DCAF12L2: variants seen among roughly 807,000 people sequenced by gnomAD.
DCAF12L2 encodes the protein DDB1 and CUL4 associated factor 12 like 2.
DCAF12L2 carries 16 observed loss-of-function variants against 20.2 expected under a neutral mutation model. The observed-to-expected ratio is 0.79, with a 90% CI of 0.54 to 1.20. DCAF12L2 has a LOEUF of 1.20. Among genes scored for constraint, DCAF12L2 ranks in the 50% most tolerant of loss-of-function variants. The pLI is 0.00. For synonymous variants in DCAF12L2, 195 were observed against 190.0 expected, an observed-to-expected ratio of 1.03 and a Z score of -0.22; for missense variants, 355 against 404.8, an observed-to-expected ratio of 0.88 and a Z score of 1.06.
In DCAF12L2 at chrX:126,165,952, G is replaced by A. The variant is rs1170667939; in HGVS notation, c.-28C>T. 184 of 721,780 alleles carry A rather than the reference G, an allele frequency of 2.5e-4. No individual in the cohort carries two copies. The highest frequency in any genetic ancestry group is 1.4e-3 in the Middle Eastern group (2 of 1,479). The allele number at this position is 721,780 out of a possible 1,213,427, so 59.5% of individuals were successfully genotyped here. On this transcript the variant is annotated 5_prime_UTR_variant, in exon 1 of 1. Transcript: ENST00000360028. ...TGGGCGGCGGGCGATCTGCAGCAGC[G>A]GCGGCGGCGGCGGCGGCGGCGGCGG...
At position 126,165,783 on chromosome X, in the gene DCAF12L2, G is replaced by A. The variant is rs750239525; in HGVS notation, c.142C>T (p.Arg48Cys). Residue 48 changes from arginine to cysteine, a missense_variant, in exon 1 of 1, where the codon CGT becomes TGT. Physicochemically the swap from Arg to Cys is radical, Grantham distance 180 (BLOSUM62 -3). Transcript: ENST00000360028. ...TTCAGATAGTGCACCAGCCTGCGAC[G>A]CGTCGCCGGCCGCTTCTGCTTCTTG... ...LPKKQKRPAT[R>C]RRLVHYLKGR... 6.6e-6 allele frequency: 8 copies of A among 1,207,121 alleles called. No individual in the cohort carries two copies. Among genetic ancestry groups the A allele is most frequent in the Admixed American group, 6.5e-5 (3 of 45,860 alleles).
In DCAF12L2 at chrX:126,165,130, T is replaced by C. The variant is rs374889347; in HGVS notation, c.795A>G (p.Val265=). 23 of 1,210,918 alleles carry C rather than the reference T, an allele frequency of 1.9e-5. No homozygotes were observed. Among genetic ancestry groups the C allele is most frequent in the Admixed American group, 2.2e-5 (1 of 46,025 alleles). ...RASTNPSNRK[V]RALAFSGKNQ... ...TCTTGCCGCTGAAGGCCAGGGCCCG[T>C]ACCTTGCGGTTGCTGGGGTTGGTGC... is the stretch of plus-strand genomic sequence containing the variant. Residue 265 remains valine, a synonymous_variant, in exon 1 of 1, where the codon GTA becomes GTG. Coordinates refer to ENST00000360028, the MANE Select transcript of DCAF12L2 (RefSeq NM_001013628.3).
rs1353571110 is a variant in DCAF12L2 at position 126,164,561 on chromosome X, T to C, written c.1364A>G (p.His455Arg). The C allele has an allele frequency of 8.3e-7, 1 of 1,211,430 alleles. No homozygotes were observed. The highest frequency in any genetic ancestry group is 1.1e-6 in the Non-Finnish European group (1 of 895,225). ...VAGGPLPSGLHGNYAGLWS is the reference protein window; with the variant it reads ...VAGGPLPSGLRGNYAGLWS ...ACTCCAGAGGCCTGCGTAGTTCCCA[T>C]GGAGGCCTGAAGGGAGAGGCCCCCC... The change falls in exon 1 of 1, where the codon CAT becomes CGT. Residue 455 changes from histidine to arginine, a missense_variant. Coordinates refer to ENST00000360028, the MANE Select transcript of DCAF12L2 (RefSeq NM_001013628.3).
rs771849328 is a variant in DCAF12L2, at chrX:126,165,325, G to A, written c.600C>T (p.Val200=). Residue 200 remains valine (V), a synonymous_variant, in exon 1 of 1, where the codon GTC becomes GTT. Transcript: ENST00000360028. ...CAGCTACGGTGTCACTCAGCCAGGC[G>A]ACTGCGAAGATCCAGTCCTTGTGGC... ...RHGHKDWIFA[V]AWLSDTVAVS... 4 of 1,212,473 alleles carry A rather than the reference G, an allele frequency of 3.3e-6. No homozygotes were observed. The Admixed American group carries it at 6.5e-5, about 20-fold the overall frequency.
In DCAF12L2 at chrX:126,163,868, T is replaced by G. The variant is rs1341221651; in HGVS notation, c.*665A>C. 8.9e-6 allele frequency: 1 copy of G among 112,241 alleles called. No individual in the cohort carries two copies. The highest frequency in any genetic ancestry group is 1.9e-5 in the Non-Finnish European group (1 of 53,279). The allele number at this position is 112,241 out of a possible 1,213,427, so 9.2% of individuals were successfully genotyped here. On this transcript the variant is annotated 3_prime_UTR_variant, in exon 1 of 1. Transcript: ENST00000360028. Reference sequence around the variant, plus strand: ...AGTATGAACAACATTGTAAGATTTCTAACTAACAGAACATATTTTTAAAGC... The same window carrying G: ...AGTATGAACAACATTGTAAGATTTCGAACTAACAGAACATATTTTTAAAGC...
In DCAF12L2 at chrX:126,166,286, G is replaced by C. The variant is rs752492345; in HGVS notation, c.-362C>G. Among the ~76,000 whole-genome samples, 1 of 109,573 alleles carries C rather than the reference G, an allele frequency of 9.1e-6. No individual in the cohort carries two copies. Among genetic ancestry groups the C allele is most frequent in the South Asian group, 4.1e-4 (1 of 2,466 alleles). Reference sequence around the variant, plus strand: ...CTGGATGGCTGCGGGAGCGAAGTCAGTGTGGGGGGAGGACGACGCTGGGGC... The same window carrying C: ...CTGGATGGCTGCGGGAGCGAAGTCACTGTGGGGGGAGGACGACGCTGGGGC... On this transcript the variant is annotated 5_prime_UTR_variant, in exon 1 of 1. Coordinates refer to ENST00000360028, the MANE Select transcript of DCAF12L2 (RefSeq NM_001013628.3).
Position 126,165,690 on chromosome X carries a change from C to T in DCAF12L2, c.235G>A (p.Ala79Thr), listed in dbSNP as rs755793789. The change falls in exon 1 of 1, where the codon GCC (alanine) becomes ACC (threonine). Residue 79 changes from alanine to threonine, a missense_variant. Ala to Thr is a moderately conservative substitution (Grantham distance 58). Coordinates refer to ENST00000360028, the MANE Select transcript of DCAF12L2 (RefSeq NM_001013628.3). ...AGCAGCTCGGGCAGCCTCTGGACGG[C>T]GTAGCCCCGCAGCTCGCCCTCGAAG... ...QGFEGELRGY[A>T]VQRLPELLTE... 3 of 1,209,704 alleles carry T rather than the reference C, an allele frequency of 2.5e-6. No homozygotes were observed. The Admixed American group carries it at 6.5e-5, about 26-fold the overall frequency.
In DCAF12L2 at chrX:126,165,094, C is replaced by T; in HGVS notation, c.831G>A (p.Leu277=). Residue 277 remains leucine, a synonymous_variant, in exon 1 of 1, where the codon CTG becomes CTA. Transcript: ENST00000360028. ...ALAFSGKNQE[L]GAVSLDGYFH... ...AGTAGCCGTCCAAGGACACCGCTCCCAGCTCCTGGTTCTTGCCGCTGAAGG... is the reference window on the plus strand; with the variant it reads ...AGTAGCCGTCCAAGGACACCGCTCCTAGCTCCTGGTTCTTGCCGCTGAAGG... 8.3e-7 allele frequency: 1 copy of T among 1,212,018 alleles called. No individual in the cohort carries two copies.
In DCAF12L2 at chrX:126,165,796, C is replaced by G; in HGVS notation, c.129G>C (p.Lys43Asn). The G allele has an allele frequency of 8.3e-7, 1 of 1,209,027 alleles. No individual in the cohort carries two copies. Among genetic ancestry groups the G allele is most frequent in the Non-Finnish European group, 1.1e-6 (1 of 895,103 alleles). Reference protein sequence around the residue: ...GEGPLLPKKQKRPATRRRLVH... With the variant: ...GEGPLLPKKQNRPATRRRLVH... Reference sequence around the variant, plus strand: ...CCAGCCTGCGACGCGTCGCCGGCCGCTTCTGCTTCTTGGGTAGCAGAGGCC... The same window carrying G: ...CCAGCCTGCGACGCGTCGCCGGCCGGTTCTGCTTCTTGGGTAGCAGAGGCC... The change falls in exon 1 of 1, where the codon AAG becomes AAC. Residue 43 changes from lysine to asparagine, a missense_variant. Physicochemically the swap from Lys to Asn is moderately conservative, Grantham distance 94. Transcript: ENST00000360028.
Position 126,165,949 on chromosome X carries a change from AGCG to A in DCAF12L2, c.-28_-26del, listed in dbSNP as rs753861637. 2,609 of 956,995 alleles carry A rather than the reference AGCG, an allele frequency of 2.7e-3. 1 individual carries two copies. The highest frequency in any genetic ancestry group is 2.9e-3 in the Non-Finnish European group (2,226 of 760,567). 78.9% of individuals were successfully genotyped at this position (956,995 alleles called of 1,213,427 possible). On this transcript the variant is annotated 5_prime_UTR_variant, in exon 1 of 1. Transcript: ENST00000360028. ...TGGTGGGCGGCGGGCGATCTGCAGC[AGCG>A]GCGGCGGCGGCGGCGGCGGCGGCGG...
At position 126,165,591 on chromosome X, in the gene DCAF12L2, C is replaced by T. The variant is rs748548036; in HGVS notation, c.334G>A (p.Val112Met). The change falls in exon 1 of 1, where the codon GTG (valine) becomes ATG (methionine). Residue 112 changes from valine to methionine, a missense_variant. Physicochemically the swap from Val to Met is conservative, Grantham distance 21 (BLOSUM62 1). Transcript: ENST00000360028. ...AGCGTATTACACTTGGTGCCGCACA[C>T]CACCTGCCTGGCGTTCAGCCACTGT... is the stretch of plus-strand genomic sequence containing the variant. Reference protein sequence around the residue: ...ASQWLNARQVVCGTKCNTLFV... With the variant: ...ASQWLNARQVMCGTKCNTLFV... The T allele has an allele frequency of 1.3e-5, 16 of 1,212,395 alleles. No homozygotes were observed. The highest frequency in any genetic ancestry group is 1.8e-5 in the Non-Finnish European group (16 of 895,560).
chrX:126,164,916 G>C lies in DCAF12L2; in HGVS notation c.1009C>G (p.Arg337Gly). The C allele has an allele frequency of 1.6e-6, 2 of 1,212,266 alleles. No individual in the cohort carries two copies. Among genetic ancestry groups the C allele is most frequent in the Non-Finnish European group, 2.2e-6 (2 of 895,607 alleles). The part of the protein sequence containing the change: ...SHVSFLDPRQ[R>G]QQNIRPLCSR... The stretch of plus-strand genomic sequence containing the variant: ...CACAGGGGCCGGATGTTCTGCTGGC[G>C]CTGGCGCGGATCCAGGAAGGAGACG... The change falls in exon 1 of 1, where the codon CGC (arginine) becomes GGC (glycine). Residue 337 changes from arginine (R) to glycine (G), a missense_variant. Transcript: ENST00000360028.
chrX:126,165,844 A>G lies in DCAF12L2; in HGVS notation c.81T>C (p.Gly27=). The G allele has an allele frequency of 8.3e-7, 1 of 1,205,692 alleles. No individual in the cohort carries two copies. Among genetic ancestry groups the G allele is most frequent in the Admixed American group, 2.2e-5 (1 of 45,937 alleles). The change falls in exon 1 of 1, where the codon GGT becomes GGC. Residue 27 remains glycine (G), a synonymous_variant. Coordinates refer to ENST00000360028, the MANE Select transcript of DCAF12L2 (RefSeq NM_001013628.3). ...EAGAGSSSSQ[G]LAAADGEGPL... ...GCCCCTCTCCGTCCGCCGCCGCTAA[A>G]CCCTGCGACGACGAGCTCCCGGCTC...
In DCAF12L2 at chrX:126,164,560, A is replaced by G. The variant is rs778412681; in HGVS notation, c.1365T>C (p.His455=). The G allele has an allele frequency of 1.7e-6, 2 of 1,211,338 alleles. No individual in the cohort carries two copies. Among genetic ancestry groups the G allele is most frequent in the Admixed American group, 2.2e-5 (1 of 46,073 alleles). Reference sequence around the variant, plus strand: ...AACTCCAGAGGCCTGCGTAGTTCCCATGGAGGCCTGAAGGGAGAGGCCCCC... The same window carrying G: ...AACTCCAGAGGCCTGCGTAGTTCCCGTGGAGGCCTGAAGGGAGAGGCCCCC... The part of the protein sequence containing the change: ...VAGGPLPSGL[H]GNYAGLWS Residue 455 remains histidine, a synonymous_variant, in exon 1 of 1, where the codon CAT becomes CAC. Coordinates refer to ENST00000360028, the MANE Select transcript of DCAF12L2 (RefSeq NM_001013628.3).
In DCAF12L2 at chrX:126,165,799, C is replaced by T; in HGVS notation, c.126G>A (p.Gln42=). 3 of 1,209,254 alleles carry T rather than the reference C, an allele frequency of 2.5e-6. No homozygotes were observed. The highest frequency in any genetic ancestry group is 3.4e-6 in the Non-Finnish European group (3 of 895,166). The change falls in exon 1 of 1, where the codon CAG becomes CAA. Residue 42 remains glutamine, a synonymous_variant. Transcript: ENST00000360028. ...DGEGPLLPKK[Q]KRPATRRRLV... ...GCCTGCGACGCGTCGCCGGCCGCTT[C>T]TGCTTCTTGGGTAGCAGAGGCCCCT...
chrX:126,165,757 C>T lies in DCAF12L2; in HGVS notation c.168G>A (p.Lys56=). Reference sequence around the variant, plus strand: ...GGCCCCGCGCTCCTACCTCCCGGCCCTTCAGATAGTGCACCAGCCTGCGAC... The same window carrying T: ...GGCCCCGCGCTCCTACCTCCCGGCCTTTCAGATAGTGCACCAGCCTGCGAC... The part of the protein sequence containing the change: ...ATRRRLVHYL[K]GREVGARGPA... Residue 56 remains lysine, a synonymous_variant, in exon 1 of 1, where the codon AAG becomes AAA. Coordinates refer to ENST00000360028, the MANE Select transcript of DCAF12L2 (RefSeq NM_001013628.3). The T allele has an allele frequency of 8.3e-7, 1 of 1,209,987 alleles. No individual in the cohort carries two copies. The highest frequency in any genetic ancestry group is 1.1e-6 in the Non-Finnish European group (1 of 895,128).
rs200572855 is a variant in DCAF12L2 at position 126,164,362 on chromosome X, GCT to G, written c.*169_*170del. The G allele has an allele frequency of 1.8e-4, 111 of 618,096 alleles. No homozygotes were observed. In the East Asian group the frequency reaches 3.8e-3, roughly 21 times the overall value. The allele number at this position is 618,096 out of a possible 1,213,427, so 50.9% of individuals were successfully genotyped here. On this transcript the variant is annotated 3_prime_UTR_variant, in exon 1 of 1. Transcript: ENST00000360028. ...GGACCACTTGTGCTCTCTCGCTCCC[GCT>G]CTCTCTCTTTCTTTCTCTGCCTAAT... is the stretch of plus-strand genomic sequence containing the variant.
At position 126,164,532 on chromosome X, in the gene DCAF12L2, C is replaced by T. The variant is rs752267345; in HGVS notation, c.*1G>A. 1.3e-5 allele frequency: 16 copies of T among 1,196,463 alleles called. No homozygotes were observed. The East Asian group carries it at 4.5e-4, about 33-fold the overall frequency. ...GCACTTTGAGAACAAGGCGTCCATCCTTAACTCCAGAGGCCTGCGTAGTTC... is the reference window on the plus strand; with the variant it reads ...GCACTTTGAGAACAAGGCGTCCATCTTTAACTCCAGAGGCCTGCGTAGTTC... On this transcript the variant is annotated 3_prime_UTR_variant, in exon 1 of 1. Coordinates refer to ENST00000360028, the MANE Select transcript of DCAF12L2 (RefSeq NM_001013628.3).
Position 126,164,617 on chromosome X carries a change from G to T in DCAF12L2, c.1308C>A (p.Tyr436Ter). Residue 436 changes from tyrosine (Y) to a stop codon, truncating the protein, a stop_gained, in exon 1 of 1, where the codon TAC (tyrosine) becomes TAA (stop). Transcript: ENST00000360028. LOFTEE classifies it high-confidence loss of function. ...CAAAGAGCTTCATCTCCGGCCAGTT[G>T]TAGCAGTGGGTGTAGAGCGCATTGG... ...EFPNALYTHC[Y>*]NWPEMKLFVA... The T allele has an allele frequency of 8.2e-7, 1 of 1,212,208 alleles. No homozygotes were observed. The highest frequency in any genetic ancestry group is 1.1e-6 in the Non-Finnish European group (1 of 895,604).
Sources: allele counts gnomAD v4.1 joint callset (sites outside exome capture counted in the v4.1 genomes callset), GRCh38; gene constraint gnomAD v4.1.1; transcripts MANE v1.5; gene names NCBI Gene and HGNC (gene_info 2026-07-23, HGNC 2026-07-21).